Variants in AUTS2 observed in about 807,000 individuals in gnomAD.
The protein encoded by AUTS2 is autism susceptibility gene 2 protein.
A neutral mutation model predicts 112.4 loss-of-function variants in AUTS2; 17 were observed. That is an observed-to-expected ratio of 0.15 (90% CI 0.10 to 0.23). The LOEUF is 0.23. Among genes scored for constraint, AUTS2 ranks in the 10% least tolerant of loss-of-function variants. AUTS2 has a pLI of 1.00. For synonymous variants in AUTS2, 751 were observed against 702.7 expected, an observed-to-expected ratio of 1.07 and a Z score of -1.09; for missense variants, 1,510 against 1,701.6, an observed-to-expected ratio of 0.89 and a Z score of 1.98.
chr7:70,351,727 A>G (rs938856917), intron 4 of AUTS2, among the ~76,000 whole-genome samples: 3 of 151,746 alleles, frequency 2.0e-5, no homozygotes, highest in African/African-American at 7.3e-5. Context: ...TTTGATACGA[A>G]GTCTTGCTCT....
intron 2 of AUTS2, among the ~76,000 whole-genome samples, chr7:69,976,550 T>C (rs1459005414): frequency 2.0e-5 from 3 of 152,230 alleles, no homozygotes; most frequent in Admixed American, 6.5e-5. Flanking sequence ...ACCTCCATAG[T>C]GTTTTCTATA....
intron 1 of AUTS2, among the ~76,000 whole-genome samples, chr7:69,871,320 A>G (rs192872370): frequency 1.3e-5 from 2 of 152,286 alleles, no homozygotes; most frequent in Admixed American, 1.3e-4. Flanking sequence ...TAGGCTCCCA[A>G]GGTTGTCTGT....
chr7:70,146,084 G>A lies in AUTS2; in HGVS notation c.660+11513G>A, dbSNP rs75441717. On this transcript the variant is annotated intron_variant, in intron 4 of 18. Transcript: ENST00000342771. ...ATTTATGTAAATCTTATAAAAGTTT[G>A]ATTTTCTTTAGATTTTTGTGACTAA... Among the ~76,000 whole-genome samples the A allele has an allele frequency of 0.015, 2,270 of 152,162 alleles. 158 individuals are homozygous for A. In the East Asian group the frequency reaches 0.22, roughly 15 times the overall value.
At chr7:70,609,237 G>C (rs771560999) in intron 5 of AUTS2, among the ~76,000 whole-genome samples, 23 of 151,934 alleles carry the variant, frequency 1.5e-4, no homozygotes, top group Non-Finnish European at 2.9e-4. Context: ...CCAGCCCCTG[G>C]TAACCACCAT....
chr7:70,071,162 A>G (rs895344956), intron 2 of AUTS2, among the ~76,000 whole-genome samples: 2 of 152,168 alleles, frequency 1.3e-5, no homozygotes, highest in African/African-American at 4.8e-5. Context: ...CAGAAACACT[A>G]CTTTAGGAAT....
intron 1 of AUTS2, among the ~76,000 whole-genome samples, chr7:69,775,586 G>A (rs1788856588): frequency 6.6e-6 from 1 of 152,158 alleles, no homozygotes; most frequent in African/African-American, 2.4e-5. Context: ...CAGATAAAGT[G>A]TAGCAGTGTC....
At position 70,787,311 on chromosome 7, in the gene AUTS2, C is replaced by T. The variant is rs1311127815; in HGVS notation, c.2411C>T (p.Pro804Leu). Residue 804 changes from proline (P) to leucine (L), a missense_variant, in exon 18 of 19, where the codon CCG becomes CTG. Physicochemically the swap from Pro to Leu is moderately conservative, Grantham distance 98. Transcript: ENST00000342771. ...CTGCACCGAACGCCTCCGTCGTTCC[C>T]GACCCCTCCGCCCTGGCTGAAGCCA... ...NRLHRTPPSFPTPPPWLKPGE... is the reference protein window; with the variant it reads ...NRLHRTPPSFLTPPPWLKPGE... 5 of 1,614,198 alleles carry T rather than the reference C, an allele frequency of 3.1e-6. No individual in the cohort carries two copies. The highest frequency in any genetic ancestry group is 2.7e-5 in the African/African-American group (2 of 75,052).
chr7:69,710,944 A>T (rs944437489), intron 1 of AUTS2, among the ~76,000 whole-genome samples: 1 of 152,082 alleles, frequency 6.6e-6, no homozygotes, highest in Non-Finnish European at 1.5e-5. Context: ...GGCTGGTCTC[A>T]ATGGCAGATA....
At chr7:70,491,419 TACACACAC>T (rs141971563) in intron 5 of AUTS2, among the ~76,000 whole-genome samples, 2 of 140,266 alleles carry the variant, frequency 1.4e-5, no homozygotes, top group Admixed American at 7.1e-5. Context: ...CGTGTGTGTA[TACACACAC>T]ACACACACAC....
intron 2 of AUTS2, among the ~76,000 whole-genome samples, chr7:70,041,543 G>A (rs1477374489): frequency 6.6e-6 from 1 of 152,108 alleles, no homozygotes; most frequent in African/African-American, 2.4e-5. Context: ...AGCAAGGGAT[G>A]TTTCATCTTA....
At chr7:70,349,878 A>G (rs566516353) in intron 4 of AUTS2, among the ~76,000 whole-genome samples, 1 of 152,372 alleles carries the variant, frequency 6.6e-6, no homozygotes, top group Admixed American at 6.5e-5. Flanking sequence ...TTCCAGTCCA[A>G]GTGTCACACT....
At chr7:69,619,702 C>T (rs1793566517) in intron 1 of AUTS2, among the ~76,000 whole-genome samples, 1 of 152,186 alleles carries the variant, frequency 6.6e-6, no homozygotes, top group African/African-American at 2.4e-5. Flanking sequence ...ATTCATTCAA[C>T]AAATAGTTGC....
Position 70,791,281 on chromosome 7 carries a change from A to C in AUTS2, c.*285A>C. ...ACCAAAACAGTGAAGATGACAACAC[A>C]CACCAATTGGATGATAATTGTAGCG... On this transcript the variant is annotated 3_prime_UTR_variant, in exon 19 of 19. Coordinates refer to ENST00000342771, the MANE Select transcript of AUTS2 (RefSeq NM_015570.4). 1.8e-5 allele frequency: 4 copies of C among 217,730 alleles called. No homozygotes were observed. The highest frequency in any genetic ancestry group is 2.6e-5 in the Non-Finnish European group (3 of 113,238). 13.5% of individuals were successfully genotyped at this position (217,730 alleles called of 1,614,324 possible).
chr7:69,894,708 T>C (rs1794673726), intron 1 of AUTS2, among the ~76,000 whole-genome samples: 1 of 152,212 alleles, frequency 6.6e-6, no homozygotes. Flanking sequence ...TTTCTGGTGA[T>C]AATGTTTCTT....
At chr7:69,632,074 A>G (rs1246985738) in intron 1 of AUTS2, among the ~76,000 whole-genome samples, 1 of 152,150 alleles carries the variant, frequency 6.6e-6, no homozygotes, top group African/African-American at 2.4e-5. Flanking sequence ...AGGTTAAATT[A>G]TTTGGCCATT....
intron 4 of AUTS2, among the ~76,000 whole-genome samples, chr7:70,203,079 T>C (rs954869847): frequency 6.8e-6 from 1 of 146,712 alleles, no homozygotes; most frequent in Non-Finnish European, 1.5e-5. Context: ...CATCTCTCAG[T>C]AAACTATCGC....
intron 1 of AUTS2, among the ~76,000 whole-genome samples, chr7:69,657,122 G>T (rs949130698): frequency 3.9e-5 from 6 of 152,172 alleles, no homozygotes; most frequent in African/African-American, 1.4e-4. Context: ...GGCTCCTTCA[G>T]CTTTCCCCTC....
intron 5 of AUTS2, among the ~76,000 whole-genome samples, chr7:70,594,171 G>A (rs1220778502): frequency 6.6e-6 from 1 of 152,088 alleles, no homozygotes; most frequent in Non-Finnish European, 1.5e-5. Context: ...GGGGAGGGGC[G>A]GCACTTTTTG....
In AUTS2 at chr7:70,676,364, C is replaced by T. The variant is rs574545836; in HGVS notation, c.691-22205C>T. Among the ~76,000 whole-genome samples, 4 of 151,876 alleles carry T rather than the reference C, an allele frequency of 2.6e-5. No individual in the cohort carries two copies. The East Asian group carries it at 5.8e-4, about 22-fold the overall frequency. On this transcript the variant is annotated intron_variant, in intron 5 of 18. Coordinates refer to ENST00000342771, the MANE Select transcript of AUTS2 (RefSeq NM_015570.4). ...GGAAGATGGCTTGAGCCCTTGAGGT[C>T]GAGGCTGCAGTGAGTCATGATGGCA...
Sources: gnomAD v4.1 joint callset for allele counts (sites outside exome capture counted in the v4.1 genomes callset) on GRCh38, gnomAD v4.1.1 for gene constraint, MANE v1.5 for transcripts, NCBI Gene and HGNC (gene_info 2026-07-23, HGNC 2026-07-21) for gene names.